Variants in SNX25 observed in about 807,000 individuals in gnomAD.
The protein encoded by SNX25 is sorting nexin 25, also known as sorting nexin-25.
SNX25 carries 62 observed loss-of-function variants against 113.7 expected under a neutral mutation model. The ratio of observed to expected loss-of-function variants is 0.55; its 90% confidence interval spans 0.44 to 0.67. The LOEUF (loss-of-function observed/expected upper bound fraction) is 0.67. Among genes scored for constraint, SNX25 ranks in the 30% least tolerant of loss-of-function variants. SNX25 has a pLI of 0.00. For missense variants in SNX25, 1,014 were observed against 1,161.0 expected (o/e 0.87, Z 1.84); for synonymous variants, 421 against 436.2 (o/e 0.97, Z 0.43).
rs974287301 is a variant in SNX25 at position 185,353,595 on chromosome 4, T to A, written c.2577T>A (p.Leu859=). ...CFMLIGEIFE[L]RGMFKWVRRT... is the part of the protein sequence containing the mutation. ...TGTTGATTGGGGAGATTTTTGAACT[T>A]CGAGGAAGTAAGCTTCTTTGTTATT... Residue 859 remains leucine, a synonymous_variant, in exon 15 of 19, where the codon CTT becomes CTA. Transcript: ENST00000652585. 1.9e-6 allele frequency: 3 copies of A among 1,613,372 alleles called. No homozygotes were observed. Among genetic ancestry groups the A allele is most frequent in the Non-Finnish European group, 2.5e-6 (3 of 1,179,272 alleles).
chr4:185,271,188 A>G (rs752001972), intron 5 of SNX25, among the ~76,000 whole-genome samples: 1 of 152,056 alleles, frequency 6.6e-6, no homozygotes, highest in Admixed American at 6.5e-5. Context: ...CCTTCTTACT[A>G]CTAGGCTTTG....
chr4:185,292,808 G>A lies in SNX25; in HGVS notation c.1162+4726G>A, dbSNP rs1173978932. 2.0e-5 allele frequency among the ~76,000 whole-genome samples: 3 copies of A among 152,156 alleles called. 1 individual carries two copies. The highest frequency in any genetic ancestry group is 4.4e-5 in the Non-Finnish European group (3 of 68,024). On this transcript the variant is annotated intron_variant, in intron 6 of 18. Coordinates refer to ENST00000652585, the MANE Select transcript of SNX25 (RefSeq NM_001378034.2). The stretch of plus-strand genomic sequence containing the variant: ...TGTGGTGGTGCACACCTGTAGTCCT[G>A]GGAGGCTGAGCTGGGAGGATTGCTT...
the SNX25 span, chr4:185,378,267 G>C: frequency 6.3e-7 from 1 of 1,587,156 alleles, no homozygotes; most frequent in Non-Finnish European, 8.5e-7. Context: ...AGTGCAAAGA[G>C]AGACTCTATT....
intron 9 of SNX25, among the ~76,000 whole-genome samples, chr4:185,332,258 G>A (rs1032613035): frequency 6.6e-5 from 10 of 152,244 alleles, no homozygotes; most frequent in African/African-American, 2.2e-4. Context: ...TGAACATTAG[G>A]TACAGAATAT....
At chr4:185,352,712 A>G (rs905475553) in intron 14 of SNX25, among the ~76,000 whole-genome samples, 4 of 152,244 alleles carry the variant, frequency 2.6e-5, no homozygotes, top group Non-Finnish European at 4.4e-5. Context: ...TCCAGCCTCT[A>G]TGACTTCCCT....
At chr4:185,372,431 C>T (rs2095419127), downstream of SNX25, among the ~76,000 whole-genome samples, 1 of 152,206 alleles carries the variant, frequency 6.6e-6, no homozygotes, top group African/African-American at 2.4e-5. Flanking sequence ...AGACACATTT[C>T]AAGTGCTCAA....
intron 5 of SNX25, among the ~76,000 whole-genome samples, chr4:185,271,196 T>G (rs1199978789): frequency 2.0e-5 from 3 of 152,166 alleles, no homozygotes; most frequent in Admixed American, 1.3e-4. Context: ...CTACTAGGCT[T>G]TGTGTTTCCA....
intron 13 of SNX25, 68 bp downstream of exon 13, chr4:185,346,718 C>A: frequency 1.0e-6 from 1 of 1,001,084 alleles, no homozygotes; most frequent in African/African-American, 1.7e-5. Flanking sequence ...TGTCATCATT[C>A]TACGAGCTTG....
chr4:185,210,768 C>T lies in SNX25; in HGVS notation c.429+513C>T, dbSNP rs1313968062. Among the ~76,000 whole-genome samples the T allele has an allele frequency of 6.6e-6, 1 of 152,074 alleles. No homozygotes were observed. Among genetic ancestry groups the T allele is most frequent in the African/African-American group, 2.4e-5 (1 of 41,410 alleles). On this transcript the variant is annotated intron_variant, in intron 1 of 18. Coordinates refer to ENST00000652585, the MANE Select transcript of SNX25 (RefSeq NM_001378034.2). The surrounding 1 kb of genome is among the most constrained non-coding windows in gnomAD (Gnocchi z 4.4). ...TACCCTTCCCACCACCCTATCCTGCCTTCCACCATGCGGATACGTATTATA... is the reference window on the plus strand; with the variant it reads ...TACCCTTCCCACCACCCTATCCTGCTTTCCACCATGCGGATACGTATTATA...
chr4:185,341,946 G>A (rs1013907216), intron 11 of SNX25, 30 bp from the exon 12 acceptor site: 1 of 1,557,166 alleles, frequency 6.4e-7, no homozygotes, highest in African/African-American at 1.4e-5. Flanking sequence ...CATGCTTTTT[G>A]TAAGTATCGA....
At chr4:185,258,781 T>C in intron 2 of SNX25, 67 bp from the exon 3 acceptor site, 1 of 1,328,264 alleles carries the variant, frequency 7.5e-7, no homozygotes, top group African/African-American at 1.4e-5. Context: ...CAGTTTCCAG[T>C]AGAAATGCAG....
At chr4:185,313,145 A>AT (rs2095044313) in intron 7 of SNX25, among the ~76,000 whole-genome samples, 1 of 152,210 alleles carries the variant, frequency 6.6e-6, no homozygotes, top group South Asian at 2.1e-4. Flanking sequence ...TTCAGAGTGA[A>AT]TTTTTTAAAA....
chr4:185,236,015 G>A (rs1742571435), intron 1 of SNX25, among the ~76,000 whole-genome samples: 1 of 152,178 alleles, frequency 6.6e-6, no homozygotes. Context: ...AATTAACATT[G>A]TTGTCCCCCC....
At chr4:185,236,821 T>C (rs1742716998) in intron 1 of SNX25, among the ~76,000 whole-genome samples, 1 of 86,290 alleles carries the variant, frequency 1.2e-5, no homozygotes, top group African/African-American at 3.8e-5. Flanking sequence ...TAGGTACTAT[T>C]GTTATCTATT....
rs1174186043 is a variant in SNX25, at chr4:185,277,986, C to A, written c.1092-10026C>A. Among the ~76,000 whole-genome samples the A allele has an allele frequency of 1.8e-4, 8 of 45,236 alleles. 3 individuals are homozygous for A. The highest frequency in any genetic ancestry group is 1.7e-3 in the Admixed American group (7 of 4,238). 29.7% of individuals were successfully genotyped at this position (45,236 alleles called of 152,430 possible). A position where few individuals can be genotyped will look rare whatever the true frequency, so the allele number is the denominator to read the frequency against. On this transcript the variant is annotated intron_variant, in intron 5 of 18. Transcript: ENST00000652585. Reference sequence around the variant, plus strand: ...TGACCTCGTGATCCGCCCGCCTCGGCCTCCCAAAGTGCTGGGATTACAGGC... The same window carrying A: ...TGACCTCGTGATCCGCCCGCCTCGGACTCCCAAAGTGCTGGGATTACAGGC...
At position 185,300,876 on chromosome 4, in the gene SNX25, G is replaced by C. The variant is rs1036779338; in HGVS notation, c.1163-9759G>C. Among the ~76,000 whole-genome samples the C allele has an allele frequency of 1.3e-3, 83 of 62,610 alleles. 2 individuals carry two copies. The highest frequency in any genetic ancestry group is 2.2e-3 in the Non-Finnish European group (67 of 30,294). The allele number at this position is 62,610 out of a possible 152,430, so 41.1% of individuals were successfully genotyped here. On this transcript the variant is annotated intron_variant, in intron 6 of 18. Coordinates refer to ENST00000652585, the MANE Select transcript of SNX25 (RefSeq NM_001378034.2). ...ACACACACACACACACACACACACA[G>C]GTTTTCTTCCATGGTTCCTGGCTCG...
At chr4:185,362,181 ATGT>A (rs1315436124) in intron 17 of SNX25, 76 bp downstream of exon 17, 17 of 1,455,424 alleles carry the variant, frequency 1.2e-5, no homozygotes, top group Non-Finnish European at 1.5e-5. Context: ...ATTTTCATTT[ATGT>A]CTTGCAGGAA....
chr4:185,267,724 CCTT>C (rs1748335150), intron 5 of SNX25, among the ~76,000 whole-genome samples: 1 of 149,736 alleles, frequency 6.7e-6, no homozygotes, highest in African/African-American at 2.5e-5. Context: ...GAGTGAGACT[CCTT>C]CTAAAAAAAA....
chr4:185,330,117 G>C (rs2095183834), intron 9 of SNX25, among the ~76,000 whole-genome samples: 1 of 152,242 alleles, frequency 6.6e-6, no homozygotes, highest in Non-Finnish European at 1.5e-5. Flanking sequence ...GCTGATTTCA[G>C]TCAGGAAAAC....
Sources: allele counts gnomAD v4.1 joint callset (sites outside exome capture counted in the v4.1 genomes callset), GRCh38; gene constraint gnomAD v4.1.1; non-coding constraint Gnocchi (gnomAD v3.1); transcripts MANE v1.5; gene names NCBI Gene and HGNC (gene_info 2026-07-23, HGNC 2026-07-21).